Variants in GRIK2 observed in about 807,000 individuals in gnomAD.
GRIK2 encodes the protein glutamate ionotropic receptor kainate type subunit 2.
Under a neutral mutation model 100.3 loss-of-function variants are expected in GRIK2, and 32 were observed. That is an observed-to-expected ratio of 0.32 (90% CI 0.24 to 0.43). The LOEUF is 0.43. Ranked by LOEUF, GRIK2 falls within the 20% of genes least tolerant of loss-of-function variation. GRIK2 has a pLI of 1.00. For synonymous variants in GRIK2, 417 were observed against 389.4 expected, an observed-to-expected ratio of 1.07 and a Z score of -0.83; for missense variants, 843 against 1,114.9, an observed-to-expected ratio of 0.76 and a Z score of 3.47.
intron 1 of GRIK2, among the ~76,000 whole-genome samples, chr6:101,397,401 G>A (rs1210425892): frequency 1.3e-5 from 2 of 152,264 alleles, no homozygotes; most frequent in South Asian, 2.1e-4. Context: ...TGAAGGAGTC[G>A]CTAGATACCC....
At chr6:101,977,553 C>T (rs755816719) in intron 14 of GRIK2, among the ~76,000 whole-genome samples, 2 of 151,960 alleles carry the variant, frequency 1.3e-5, no homozygotes, top group African/African-American at 2.4e-5. Context: ...AAAAATCCCA[C>T]ATCAGGCAGG....
At chr6:101,426,055 G>A (rs1776682897) in intron 2 of GRIK2, among the ~76,000 whole-genome samples, 1 of 152,176 alleles carries the variant, frequency 6.6e-6, no homozygotes, top group Non-Finnish European at 1.5e-5. Context: ...CACATCTATT[G>A]AGAGGTGGCC....
At chr6:101,677,436 C>T (rs1004675246) in intron 5 of GRIK2, among the ~76,000 whole-genome samples, 1 of 152,080 alleles carries the variant, frequency 6.6e-6, no homozygotes, top group Non-Finnish European at 1.5e-5. Context: ...AACAAACAAA[C>T]AAAACCTTCT....
chr6:101,789,443 C>T (rs1192261152), intron 7 of GRIK2, among the ~76,000 whole-genome samples: 1 of 152,144 alleles, frequency 6.6e-6, no homozygotes, highest in Non-Finnish European at 1.5e-5. Flanking sequence ...ATTTTCCCAG[C>T]ACCATTTATT....
At chr6:101,494,999 A>ATATATATATATATATATG (rs1331042457) in intron 2 of GRIK2, among the ~76,000 whole-genome samples, 2 of 144,288 alleles carry the variant, frequency 1.4e-5, no homozygotes, top group African/African-American at 5.1e-5. Flanking sequence ...ATATATATAT[A>ATATATATATATATATATG]TGAAGGAAAA....
intron 2 of GRIK2, among the ~76,000 whole-genome samples, chr6:101,515,102 G>C (rs1774518658): frequency 6.6e-6 from 1 of 151,998 alleles, no homozygotes; most frequent in African/African-American, 2.4e-5. Context: ...TTATGCCTTT[G>C]CATCCTCATA....
chr6:101,880,598 T>G (rs1786178952), intron 11 of GRIK2, among the ~76,000 whole-genome samples: 1 of 152,042 alleles, frequency 6.6e-6, no homozygotes, highest in African/African-American at 2.4e-5. Context: ...TGAGATATAT[T>G]TATATGAACT....
At chr6:101,936,760 C>T (rs1268421994) in intron 14 of GRIK2, among the ~76,000 whole-genome samples, 2 of 152,112 alleles carry the variant, frequency 1.3e-5, no homozygotes, top group African/African-American at 4.8e-5. Context: ...AATGGTGAAA[C>T]AGCAGATGTG....
chr6:101,516,844 A>G (rs1343790511), intron 2 of GRIK2, among the ~76,000 whole-genome samples: 1 of 152,068 alleles, frequency 6.6e-6, no homozygotes, highest in Non-Finnish European at 1.5e-5. Context: ...AACCCTTAAT[A>G]TATATATATG....
intron 2 of GRIK2, among the ~76,000 whole-genome samples, chr6:101,451,700 G>C (rs1313497658): frequency 3.3e-5 from 2 of 59,794 alleles, no homozygotes; most frequent in South Asian, 4.6e-4. Context: ...CTCTGAGGGG[G>C]GGGGGGGTGC....
At chr6:101,838,466 G>C (rs1169609597) in intron 10 of GRIK2, among the ~76,000 whole-genome samples, 1 of 152,058 alleles carries the variant, frequency 6.6e-6, no homozygotes, top group Admixed American at 6.6e-5. Context: ...ACATGTGTAA[G>C]CCAAGTTGAC....
At chr6:101,581,156 A>G (rs1778064484) in intron 2 of GRIK2, among the ~76,000 whole-genome samples, 1 of 142,476 alleles carries the variant, frequency 7.0e-6, no homozygotes, top group Non-Finnish European at 1.5e-5. Flanking sequence ...AATTAATAGG[A>G]GATATATATA....
intron 7 of GRIK2, among the ~76,000 whole-genome samples, chr6:101,701,211 G>T (rs1292049096): frequency 6.6e-6 from 1 of 152,066 alleles, no homozygotes; most frequent in Non-Finnish European, 1.5e-5. Flanking sequence ...CAGAGAAAAA[G>T]ACTTAGTCAA....
intron 4 of GRIK2, among the ~76,000 whole-genome samples, chr6:101,661,457 T>C (rs1360302544): frequency 6.6e-6 from 1 of 152,056 alleles, no homozygotes; most frequent in African/African-American, 2.4e-5. Context: ...GCTCCCTGAC[T>C]TCAGCCCCCT....
intron 14 of GRIK2, among the ~76,000 whole-genome samples, chr6:102,013,060 C>T (rs1228203682): frequency 6.6e-6 from 1 of 152,100 alleles, no homozygotes; most frequent in Non-Finnish European, 1.5e-5. Context: ...TTTTTCCTAT[C>T]TATGAGTATA....
At chr6:101,704,720 G>A (rs536137490) in intron 7 of GRIK2, among the ~76,000 whole-genome samples, 91 of 151,102 alleles carry the variant, frequency 6.0e-4, no homozygotes, top group African/African-American at 2.2e-3. Context: ...AATAGTAAAG[G>A]AGGTTCTTTC....
chr6:101,459,238 T>C (rs1378845300), intron 2 of GRIK2, among the ~76,000 whole-genome samples: 1 of 152,180 alleles, frequency 6.6e-6, no homozygotes, highest in Non-Finnish European at 1.5e-5. Flanking sequence ...ACAGCTGACA[T>C]TTCTGATGAT....
intron 14 of GRIK2, among the ~76,000 whole-genome samples, chr6:101,939,799 C>A (rs1790846967): frequency 6.6e-6 from 1 of 152,034 alleles, no homozygotes; most frequent in South Asian, 2.1e-4. Context: ...CTGACTCCAA[C>A]AAATAGATAT....
chr6:101,688,401 C>T (rs1270060551), intron 7 of GRIK2, among the ~76,000 whole-genome samples: 3 of 151,640 alleles, frequency 2.0e-5, no homozygotes, highest in Non-Finnish European at 4.4e-5. Context: ...ACATCATCTC[C>T]CGAAATGAAG....
Sources: allele counts gnomAD v4.1 joint callset (sites outside exome capture counted in the v4.1 genomes callset), GRCh38; gene constraint gnomAD v4.1.1; transcripts MANE v1.5; gene names NCBI Gene and HGNC (gene_info 2026-07-23, HGNC 2026-07-21).